The following TBL1X variants were observed in gnomAD, a reference collection of about 807,000 sequenced individuals.
The protein encoded by TBL1X is F-box-like/WD repeat-containing protein TBL1X.
A neutral mutation model predicts 50.7 loss-of-function variants in TBL1X; 10 were observed. The ratio of observed to expected loss-of-function variants is 0.20; its 90% CI spans 0.12 to 0.33. The LOEUF is 0.33. Ranked by LOEUF, TBL1X falls within the 10% of genes least tolerant of loss-of-function variation. The pLI, the probability that TBL1X is intolerant of heterozygous loss-of-function variation, is 1.00. For missense variants in TBL1X, 340 were observed against 504.4 expected (o/e 0.67, Z 3.12); for synonymous variants, 190 against 214.7 (o/e 0.88, Z 1.01).
Position 9,585,511 on chromosome X carries a change from C to A in TBL1X, c.-130-54762C>A, listed in dbSNP as rs766257135. Reference sequence around the variant, plus strand: ...GTCGGAGGAGGATGGTTTTGTGGCCCTTTGGACTGGTCACTTAATGACTGT... The same window carrying A: ...GTCGGAGGAGGATGGTTTTGTGGCCATTTGGACTGGTCACTTAATGACTGT... On this transcript the variant is annotated intron_variant, in intron 2 of 17. Coordinates refer to ENST00000645353, the MANE Select transcript of TBL1X (RefSeq NM_005647.4). Among the ~76,000 whole-genome samples the A allele has an allele frequency of 4.5e-5, 5 of 111,312 alleles. No individual in the cohort carries two copies. The East Asian group carries it at 1.4e-3, about 32-fold the overall frequency.
chrX:9,573,242 A>G (rs181354308), intron 2 of TBL1X, among the ~76,000 whole-genome samples: 2 of 112,422 alleles, frequency 1.8e-5, no homozygotes, highest in East Asian at 2.8e-4. Flanking sequence ...GGGTGCTTTC[A>G]TGTTTTTGCT....
At chrX:9,679,506 C>T (rs1390162247) in intron 5 of TBL1X, among the ~76,000 whole-genome samples, 3 of 112,070 alleles carry the variant, frequency 2.7e-5, no homozygotes, top group Non-Finnish European at 5.6e-5. Flanking sequence ...ACACCAAGGA[C>T]ACTAACCCAT....
intron 5 of TBL1X, among the ~76,000 whole-genome samples, chrX:9,657,081 G>A (rs2082869101): frequency 8.9e-6 from 1 of 112,225 alleles, no homozygotes; most frequent in Non-Finnish European, 1.9e-5. Flanking sequence ...TTCTCCACTA[G>A]AAGTTGTCAG....
At chrX:9,675,430 G>A (rs1040022923) in intron 5 of TBL1X, among the ~76,000 whole-genome samples, 3 of 111,415 alleles carry the variant, frequency 2.7e-5, no homozygotes, top group East Asian at 2.8e-4. Context: ...AAAACTGGAT[G>A]TAGTGTGAGT....
intron 2 of TBL1X, among the ~76,000 whole-genome samples, chrX:9,524,480 A>G (rs150191813): frequency 1.9e-3 from 217 of 111,743 alleles, no homozygotes; most frequent in African/African-American, 6.7e-3. Context: ...ATCCTACACT[A>G]TGTGTCTTTT....
At chrX:9,635,557 G>A (rs1336528026) in intron 2 of TBL1X, among the ~76,000 whole-genome samples, 1 of 111,898 alleles carries the variant, frequency 8.9e-6, no homozygotes, top group Non-Finnish European at 1.9e-5. Context: ...GAGCATGTGC[G>A]GCCCTGCACA....
chrX:9,585,340 T>TCCCCCCCCCCCCCCCCCCC (rs397840236), intron 2 of TBL1X, among the ~76,000 whole-genome samples: 1 of 58,133 alleles, frequency 1.7e-5, no homozygotes, highest in Non-Finnish European at 3.3e-5. Context: ...CCCCCTCCCC[T>TCCCCCCCCCCCCCCCCCCC]CCCCCCCCCG....
At chrX:9,553,220 G>A (rs908724555) in intron 2 of TBL1X, among the ~76,000 whole-genome samples, 2 of 111,418 alleles carry the variant, frequency 1.8e-5, no homozygotes, top group Non-Finnish European at 3.8e-5. Context: ...CAATCACAGA[G>A]GTGCTTCTGA....
intron 2 of TBL1X, among the ~76,000 whole-genome samples, chrX:9,591,906 G>A (rs1176370985): frequency 1.8e-5 from 2 of 112,245 alleles, no homozygotes; most frequent in Non-Finnish European, 3.8e-5. Flanking sequence ...GCATGGGCTC[G>A]ATATCAGCCT....
At chrX:9,548,833 G>C (rs1439597214) in intron 2 of TBL1X, among the ~76,000 whole-genome samples, 2 of 112,762 alleles carry the variant, frequency 1.8e-5, no homozygotes, top group East Asian at 2.8e-4. Flanking sequence ...GGTGAGAAGA[G>C]ATAAACCTGG....
At chrX:9,564,359 CAGAA>C (rs1405943153) in intron 2 of TBL1X, among the ~76,000 whole-genome samples, 1 of 111,662 alleles carries the variant, frequency 9.0e-6, no homozygotes, top group Non-Finnish European at 1.9e-5. Context: ...ATCTTGGAAA[CAGAA>C]AGAGGCAGAA....
chrX:9,683,888 C>A, intron 5 of TBL1X, 155 bp from the exon 6 acceptor site: 2 of 843,716 alleles, frequency 2.4e-6, no homozygotes. Context: ...CTTACTGAAC[C>A]CAAATCAGAA....
At chrX:9,505,746 A>T (rs1408533306) in intron 2 of TBL1X, among the ~76,000 whole-genome samples, 2 of 112,450 alleles carry the variant, frequency 1.8e-5, no homozygotes, top group Non-Finnish European at 3.8e-5. Context: ...AACAAGAAGA[A>T]CTAACTATTC....
chrX:9,522,031 T>TC (rs1220932117), intron 2 of TBL1X, among the ~76,000 whole-genome samples: 1 of 104,889 alleles, frequency 9.5e-6, no homozygotes, highest in Non-Finnish European at 1.9e-5. Context: ...TTTTTTTTTT[T>TC]CCCTGAGATG....
At chrX:9,676,022 T>C (rs1473269713) in intron 5 of TBL1X, among the ~76,000 whole-genome samples, 3 of 111,637 alleles carry the variant, frequency 2.7e-5, no homozygotes, top group Non-Finnish European at 1.9e-5. Flanking sequence ...ATCTTCCAAA[T>C]TGCTTTCTCT....
At chrX:9,554,939 A>G (rs2082288407) in intron 2 of TBL1X, among the ~76,000 whole-genome samples, 1 of 111,722 alleles carries the variant, frequency 9.0e-6, no homozygotes, top group Admixed American at 9.5e-5. Context: ...GATCTATTTT[A>G]TGTCTCTGGA....
intron 2 of TBL1X, among the ~76,000 whole-genome samples, chrX:9,561,680 A>C (rs1442360565): frequency 1.8e-5 from 2 of 112,246 alleles, no homozygotes; most frequent in Non-Finnish European, 3.8e-5. Context: ...GTATGTGTGC[A>C]CGTATGTGTT....
At chrX:9,594,025 C>T (rs191207754) in intron 2 of TBL1X, among the ~76,000 whole-genome samples, 1 of 112,328 alleles carries the variant, frequency 8.9e-6, no homozygotes, top group African/African-American at 3.2e-5. Context: ...CTGCCCCGCT[C>T]GGGGTTACTG....
chrX:9,566,987 GTTC>G (rs1452606690), intron 2 of TBL1X, among the ~76,000 whole-genome samples: 1 of 111,765 alleles, frequency 8.9e-6, no homozygotes, highest in African/African-American at 3.3e-5. Flanking sequence ...CTGGAACTCT[GTTC>G]TTCTGTTTTA....
Sources: allele counts gnomAD v4.1 joint callset (sites outside exome capture counted in the v4.1 genomes callset), GRCh38; gene constraint gnomAD v4.1.1; transcripts MANE v1.5; gene names NCBI Gene and HGNC (gene_info 2026-07-23, HGNC 2026-07-21).